ERCC2: variants seen among roughly 807,000 people sequenced by gnomAD.
ERCC2 encodes ERCC excision repair 2, TFIIH core complex helicase subunit.
In ERCC2, 90 loss-of-function variants were observed where a neutral mutation model predicts 99.4. That is an observed-to-expected ratio of 0.91 (90% CI 0.76 to 1.08). The LOEUF (loss-of-function observed/expected upper bound fraction) is 1.08, where lower values mean the gene tolerates loss of function less well. Ranked by LOEUF, ERCC2 falls within the 50% of genes least tolerant of loss-of-function variation. The probability of loss-of-function intolerance (pLI) is 0.00; values close to 1 mark genes in which losing one functional copy is unlikely to be tolerated. For missense variants in ERCC2, 993 were observed against 1,038.1 expected (o/e 0.96, Z 0.60); for synonymous variants, 497 against 432.4 (o/e 1.15, Z -1.85).
intron 3 of ERCC2, 22 bp downstream of exon 3, chr19:45,369,048 A>C: frequency 6.2e-7 from 1 of 1,613,950 alleles, no homozygotes; most frequent in African/African-American, 1.3e-5. Flanking sequence ...GTCTGCCTTT[A>C]CGGGTTCAGC....
Position 45,350,787 on chromosome 19 carries a change from C to A in ERCC2, c.*842G>T, listed in dbSNP as rs3916899. The A allele has an allele frequency of 6.5e-6, 10 of 1,547,712 alleles. No homozygotes were observed. The African/African-American group carries it at 9.5e-5, about 15-fold the overall frequency. On this transcript the variant is annotated 3_prime_UTR_variant, in exon 23 of 23. Transcript: ENST00000391945. ...GGTCGGCAAAGAGCCCTGACATCAGCAGAATCCACAGCCCACCCCACCCCC... is the reference window on the plus strand; with the variant it reads ...GGTCGGCAAAGAGCCCTGACATCAGAAGAATCCACAGCCCACCCCACCCCC...
intron 15 of ERCC2, among the ~76,000 whole-genome samples, 178 bp downstream of exon 15, chr19:45,357,092 G>C (rs1442469410): frequency 6.6e-6 from 1 of 152,200 alleles, no homozygotes; most frequent in Non-Finnish European, 1.5e-5. Flanking sequence ...TGAGAAAACT[G>C]AGGCTTGAGA....
Position 45,353,263 on chromosome 19 carries a change from G to A in ERCC2, c.1737C>T (p.Val579=), listed in dbSNP as rs3916876. Residue 579 remains valine (V), a synonymous_variant, in exon 18 of 23, where the codon GTC becomes GTT. Transcript: ENST00000391945. The stretch of plus-strand genomic sequence containing the variant: ...CCACCTCCTGGTACTTCTCCAGGGC[G>A]ACACTGGTTTCGGCACCATCCTGGG... ...IETQDGAETS[V]ALEKYQEACE... 6.4e-4 allele frequency: 1,032 copies of A among 1,613,878 alleles called. 10 individuals are homozygous for A. The Admixed American group carries it at 0.011, about 18-fold the overall frequency.
In ERCC2 at chr19:45,365,031, C is replaced by T. The variant is rs758592360; in HGVS notation, c.477+11G>A. On this transcript the variant is annotated intron_variant, in intron 6 of 22. Coordinates refer to ENST00000391945, the MANE Select transcript of ERCC2 (RefSeq NM_000400.4). Reference sequence around the variant, plus strand: ...TCCTGCCTCCCTCCCTCAGCCCTGCCCTCCAGTAACCTCATAGAATCGGCA... The same window carrying T: ...TCCTGCCTCCCTCCCTCAGCCCTGCTCTCCAGTAACCTCATAGAATCGGCA... 97 of 1,612,532 alleles carry T rather than the reference C, an allele frequency of 6.0e-5. No individual in the cohort carries two copies. The African/African-American group carries it at 1.1e-3, about 18-fold the overall frequency.
intron 12 of ERCC2, chr19:45,358,642 G>A: frequency 1.7e-6 from 1 of 586,988 alleles, no homozygotes; most frequent in Non-Finnish European, 3.1e-6. Context: ...CATGTGGCCT[G>A]GAAAACCTCC....
In ERCC2 at chr19:45,365,108, G is replaced by A. The variant is rs2123296206; in HGVS notation, c.411C>T (p.Leu137=). The change falls in exon 6 of 23, where the codon CTC becomes CTT. Residue 137 remains leucine, a synonymous_variant. Coordinates refer to ENST00000391945, the MANE Select transcript of ERCC2 (RefSeq NM_000400.4). The part of the protein sequence containing the change: ...GKDVDGKCHS[L]TASYVRAQYQ... ...ACTGCGCCCGCACATAGGAGGCTGTGAGGCTGTGGCATTTCCCATCGACGT... is the reference window on the plus strand; with the variant it reads ...ACTGCGCCCGCACATAGGAGGCTGTAAGGCTGTGGCATTTCCCATCGACGT... 1 of 1,614,228 alleles carries A rather than the reference G, an allele frequency of 6.2e-7. No individual in the cohort carries two copies. The highest frequency in any genetic ancestry group is 8.5e-7 in the Non-Finnish European group (1 of 1,180,032).
rs3916842 is a variant in ERCC2, at chr19:45,358,769, T to C, written c.1238-1070A>G. 538 of 768,348 alleles carry C rather than the reference T, an allele frequency of 7.0e-4. 1 individual carries two copies. The African/African-American group carries it at 8.1e-3, about 12-fold the overall frequency. 47.6% of individuals were successfully genotyped at this position (768,348 alleles called of 1,614,324 possible). On this transcript the variant is annotated intron_variant, in intron 12 of 22. Transcript: ENST00000391945. ...CAACACAACAATGTATTTTTTTTCA[T>C]GATAACTGTCACTTTCTGGAATTAT...
At chr19:45,357,761 A>G in intron 12 of ERCC2, 62 bp from the exon 13 acceptor site, 1 of 1,442,200 alleles carries the variant, frequency 6.9e-7, no homozygotes, top group Non-Finnish European at 9.7e-7. Context: ...GCACCCACTC[A>G]GTCATTCCCT....
intron 5 of ERCC2, among the ~76,000 whole-genome samples, chr19:45,366,892 G>A (rs1209929445): frequency 2.0e-5 from 3 of 152,046 alleles, no homozygotes; most frequent in Non-Finnish European, 2.9e-5. Flanking sequence ...AAAACTAGCA[G>A]GGCGTGGTGG....
intron 12 of ERCC2, chr19:45,358,788 G>A (rs1043752961): frequency 2.6e-6 from 2 of 777,332 alleles, no homozygotes; most frequent in African/African-American, 3.4e-5. Flanking sequence ...TCACTTTCTG[G>A]AATTATTTCC....
At position 45,350,558 on chromosome 19, in the gene ERCC2, ATGGGCTGTGCTTCGGCTCCTGGGG is replaced by A; in HGVS notation, c.*1047_*1070del. ...AGCTGGTGACGCAGAACAGGTGAGGATGGGCTGTGCTTCGGCTCCTGGGGTGGGCGTGGGGACTGCATGGGCCTG... is the reference window on the plus strand; with the variant it reads ...AGCTGGTGACGCAGAACAGGTGAGGATGGGCGTGGGGACTGCATGGGCCTG... On this transcript the variant is annotated 3_prime_UTR_variant, in exon 23 of 23. Transcript: ENST00000391945. The A allele has an allele frequency of 6.2e-7, 1 of 1,613,544 alleles. No homozygotes were observed. The highest frequency in any genetic ancestry group is 8.5e-7 in the Non-Finnish European group (1 of 1,179,908).
Position 45,352,271 on chromosome 19 carries a change from C to A in ERCC2, c.2128G>T (p.Val710Leu). Reference protein sequence around the residue: ...HLTDANLNLTVDEGVQVAKYF... With the variant: ...HLTDANLNLTLDEGVQVAKYF... ...TTGGCCACCTGGACACCCTCGTCCACGGTCAGGTTGAGGTTGGCATCTGTG... is the reference window on the plus strand; with the variant it reads ...TTGGCCACCTGGACACCCTCGTCCAAGGTCAGGTTGAGGTTGGCATCTGTG... Residue 710 changes from valine (V) to leucine (L), a missense_variant, in exon 22 of 23, where the codon GTG becomes TTG. Val to Leu is a conservative substitution (Grantham distance 32). Coordinates refer to ENST00000391945, the MANE Select transcript of ERCC2 (RefSeq NM_000400.4). 1 of 1,614,064 alleles carries A rather than the reference C, an allele frequency of 6.2e-7. No individual in the cohort carries two copies.
intron 1 of ERCC2, 40 bp from the exon 2 acceptor site, chr19:45,370,272 GC>G: frequency 6.2e-7 from 1 of 1,607,404 alleles, no homozygotes; most frequent in Non-Finnish European, 8.5e-7. Flanking sequence ...CGTCCCCTCA[GC>G]CCCTCTCCCG....
At position 45,370,530 on chromosome 19, in the gene ERCC2, T is replaced by G. The variant is rs751637822; in HGVS notation, c.5+6A>C. Reference sequence around the variant, plus strand: ...TAGCGAGCGCGACCCCCAGCCCCCTTCTCACTTCATGGCGCCGGCCGGACT... The same window carrying G: ...TAGCGAGCGCGACCCCCAGCCCCCTGCTCACTTCATGGCGCCGGCCGGACT... On this transcript the variant is annotated splice_donor_region_variant and intron_variant, in intron 1 of 22. Coordinates refer to ENST00000391945, the MANE Select transcript of ERCC2 (RefSeq NM_000400.4). 1.3e-5 allele frequency: 20 copies of G among 1,564,086 alleles called. No homozygotes were observed. The East Asian group carries it at 3.8e-4, about 30-fold the overall frequency.
chr19:45,367,976 C>T (rs928389538), intron 5 of ERCC2, among the ~76,000 whole-genome samples: 15 of 151,616 alleles, frequency 9.9e-5, no homozygotes, highest in Admixed American at 6.6e-5. Context: ...CAGCTCACTG[C>T]AACCTCTGCC....
In ERCC2 at chr19:45,352,342, C is replaced by A. The variant is rs557601608; in HGVS notation, c.2057G>T (p.Arg686Leu). ...GGGCAGCTTCCCCCGCTTGTCCCCA[C>A]GGGCAAACCGCTGTGGGCAGAAGCG... ...LMVFADKRFA[R>L]GDKRGKLPRW... is the part of the protein sequence containing the mutation. Residue 686 changes from arginine (R) to leucine (L), a missense_variant, in exon 22 of 23, where the codon CGT (arginine) becomes CTT (leucine). Transcript: ENST00000391945. The A allele has an allele frequency of 6.2e-7, 1 of 1,613,986 alleles. No homozygotes were observed. The highest frequency in any genetic ancestry group is 1.1e-5 in the South Asian group (1 of 91,086).
chr19:45,364,865 C>T lies in ERCC2; in HGVS notation c.567G>A (p.Trp189Ter), dbSNP rs377532898. 13 of 1,613,728 alleles carry T rather than the reference C, an allele frequency of 8.1e-6. No homozygotes were observed. Among genetic ancestry groups the T allele is most frequent in the Non-Finnish European group, 1.1e-5 (13 of 1,179,658 alleles). The stretch of plus-strand genomic sequence containing the variant: ...AGTATCGAGCAAGGAAGTATGGGCA[C>T]CAGCCCTGGCGCCGCCCCAGGGCCT... ...DLKALGRRQG[W>*]CPYFLARYSI... is the part of the protein sequence containing the mutation. Residue 189 changes from tryptophan (W) to a stop codon, truncating the protein, a stop_gained, in exon 7 of 23, where the codon TGG becomes TGA. Transcript: ENST00000391945. LOFTEE classifies it high-confidence loss of function.
intron 17 of ERCC2, among the ~76,000 whole-genome samples, 157 bp from the exon 18 acceptor site, chr19:45,353,491 T>G (rs1181334795): frequency 6.6e-6 from 1 of 151,816 alleles, no homozygotes; most frequent in Non-Finnish European, 1.5e-5. Context: ...ACCTCAGTTC[T>G]TTGGGGAAAC....
chr19:45,351,435 A>ATCATC lies in ERCC2; in HGVS notation c.*189_*193dup. 1 of 1,588,420 alleles carries ATCATC rather than the reference A, an allele frequency of 6.3e-7. No homozygotes were observed. Among genetic ancestry groups the ATCATC allele is most frequent in the Non-Finnish European group, 8.5e-7 (1 of 1,170,524 alleles). ...GGGCTGGTGGGGTGAGAGGGGGTCTATCATCTCCTGGCCCCCCCTTGCCTC... is the reference window on the plus strand; with the variant it reads ...GGGCTGGTGGGGTGAGAGGGGGTCTATCATCTCATCTCCTGGCCCCCCCTTGCCTC... On this transcript the variant is annotated 3_prime_UTR_variant, in exon 23 of 23. Coordinates refer to ENST00000391945, the MANE Select transcript of ERCC2 (RefSeq NM_000400.4).
Sources: gnomAD v4.1 joint callset for allele counts (sites outside exome capture counted in the v4.1 genomes callset) on GRCh38, gnomAD v4.1.1 for gene constraint, MANE v1.5 for transcripts, NCBI Gene and HGNC (gene_info 2026-07-23, HGNC 2026-07-21) for gene names.